Variants in ATP8A1 observed in about 807,000 individuals in gnomAD.
The protein encoded by ATP8A1 is phospholipid-transporting ATPase IA.
Under a neutral mutation model 177.7 loss-of-function variants are expected in ATP8A1, and 90 were observed. The observed-to-expected ratio is 0.51, with a 90% CI of 0.43 to 0.60. ATP8A1 has a LOEUF of 0.60. Ranked by LOEUF, ATP8A1 falls within the 20% of genes least tolerant of loss-of-function variation. The pLI, the probability that ATP8A1 is intolerant of heterozygous loss-of-function variation, is 0.00. For missense variants in ATP8A1, 1,072 were observed against 1,392.8 expected (o/e 0.77, Z 3.67); for synonymous variants, 493 against 485.9 (o/e 1.01, Z -0.19).
intron 29 of ATP8A1, 109 bp downstream of exon 29, chr4:42,455,188 T>A: frequency 7.4e-7 from 1 of 1,349,562 alleles, no homozygotes; most frequent in Non-Finnish European, 1.0e-6. Context: ...TACCCTGGAG[T>A]TGTCTCAGGC....
At chr4:42,620,444 T>G (rs1444679024) in intron 4 of ATP8A1, among the ~76,000 whole-genome samples, 5 of 152,180 alleles carry the variant, frequency 3.3e-5, no homozygotes, top group African/African-American at 1.2e-4. Context: ...AAAAGAGTTC[T>G]GTTAAAAAAA....
intron 16 of ATP8A1, among the ~76,000 whole-genome samples, chr4:42,553,721 C>G (rs1020379701): frequency 1.3e-5 from 2 of 152,144 alleles, no homozygotes; most frequent in South Asian, 2.1e-4. Flanking sequence ...CAGACATGGT[C>G]CCTGCCATGT....
intron 1 of ATP8A1, among the ~76,000 whole-genome samples, chr4:42,641,939 GCTT>G (rs1740033751): frequency 1.3e-5 from 2 of 151,820 alleles, no homozygotes; most frequent in African/African-American, 4.8e-5. Flanking sequence ...ACTGGCACCT[GCTT>G]CTTATCTCCA....
intron 4 of ATP8A1, among the ~76,000 whole-genome samples, chr4:42,616,914 T>G (rs1378955145): frequency 2.0e-5 from 3 of 152,174 alleles, no homozygotes. Flanking sequence ...CATCTAAATT[T>G]ACAGCATCGA....
intron 1 of ATP8A1, among the ~76,000 whole-genome samples, chr4:42,644,353 T>C (rs1012755094): frequency 6.6e-6 from 1 of 152,234 alleles, no homozygotes; most frequent in Non-Finnish European, 1.5e-5. Context: ...ACTCATGTAA[T>C]GATTCTCTTA....
At chr4:42,582,497 C>A in intron 9 of ATP8A1, among the ~76,000 whole-genome samples, 1 of 130,826 alleles carries the variant, frequency 7.6e-6, no homozygotes, top group Non-Finnish European at 1.6e-5. Context: ...CACACCCACC[C>A]CCCACACACT....
intron 25 of ATP8A1, among the ~76,000 whole-genome samples, chr4:42,484,486 AGTAT>A (rs1188118457): frequency 6.6e-6 from 1 of 152,212 alleles, no homozygotes; most frequent in Non-Finnish European, 1.5e-5. Context: ...TATTTCAGAA[AGTAT>A]GTCTCAACTG....
At chr4:42,461,274 A>G (rs1389482288) in intron 27 of ATP8A1, among the ~76,000 whole-genome samples, 1 of 132,636 alleles carries the variant, frequency 7.5e-6, no homozygotes, top group African/African-American at 2.7e-5. Flanking sequence ...CTTTTTGCTA[A>G]TGTGGCTTGC....
At chr4:42,617,336 A>G (rs1047554337) in intron 4 of ATP8A1, among the ~76,000 whole-genome samples, 1 of 152,230 alleles carries the variant, frequency 6.6e-6, no homozygotes, top group Admixed American at 6.5e-5. Flanking sequence ...ACAGACATGC[A>G]GGAACACAAT....
intron 22 of ATP8A1, 125 bp downstream of exon 22, chr4:42,522,035 G>A (rs1560418013): frequency 9.5e-7 from 1 of 1,047,634 alleles, no homozygotes; most frequent in Non-Finnish European, 1.3e-6. Context: ...TAGATGATGA[G>A]AGGGTATTCA....
chr4:42,497,706 C>T (rs1394213077), intron 24 of ATP8A1, among the ~76,000 whole-genome samples: 1 of 152,180 alleles, frequency 6.6e-6, no homozygotes, highest in Non-Finnish European at 1.5e-5. Flanking sequence ...GGAACTTTTT[C>T]AACCACGTAC....
intron 15 of ATP8A1, 70 bp from the exon 16 acceptor site, chr4:42,556,110 C>A: frequency 9.0e-7 from 1 of 1,109,498 alleles, no homozygotes; most frequent in South Asian, 1.5e-5. Flanking sequence ...TGTTAATGTA[C>A]TTTATGAGTA....
At chr4:42,602,125 A>G (rs28439623) in intron 5 of ATP8A1, among the ~76,000 whole-genome samples, 1,805 of 152,302 alleles carry the variant, frequency 0.012, 47 homozygotes, top group African/African-American at 0.04. Flanking sequence ...AAAAATAATC[A>G]TTCCAAGCTA....
At chr4:42,594,299 G>C in intron 6 of ATP8A1, 6 of 1,596,936 alleles carry the variant, frequency 3.8e-6, no homozygotes, top group Non-Finnish European at 5.1e-6. Context: ...CTTGATGAGA[G>C]AAGTACAGTG....
intron 19 of ATP8A1, among the ~76,000 whole-genome samples, chr4:42,544,746 T>A (rs1380004976): frequency 2.0e-5 from 3 of 152,198 alleles, no homozygotes; most frequent in Non-Finnish European, 2.9e-5. Flanking sequence ...AGAGGACTAC[T>A]CAAATGTCTG....
intron 33 of ATP8A1, among the ~76,000 whole-genome samples, chr4:42,441,087 G>T (rs913218041): frequency 4.6e-5 from 7 of 152,070 alleles, no homozygotes; most frequent in African/African-American, 1.7e-4. Context: ...TCAAGTTCTC[G>T]GGGCTGCTCT....
intron 5 of ATP8A1, among the ~76,000 whole-genome samples, chr4:42,603,073 A>C (rs925070703): frequency 6.6e-5 from 10 of 152,120 alleles, no homozygotes; most frequent in Non-Finnish European, 1.2e-4. Flanking sequence ...TTAAAAAAAA[A>C]CTATAAGTGT....
At chr4:42,514,705 G>A (rs188489371) in intron 22 of ATP8A1, among the ~76,000 whole-genome samples, 3 of 152,212 alleles carry the variant, frequency 2.0e-5, no homozygotes, top group East Asian at 1.9e-4. Flanking sequence ...AGTTGGCAAC[G>A]TAACTTACAG....
chr4:42,556,577 T>C (rs570681331), intron 15 of ATP8A1, among the ~76,000 whole-genome samples: 1 of 152,138 alleles, frequency 6.6e-6, no homozygotes, highest in South Asian at 2.1e-4. Flanking sequence ...ATTACATTTG[T>C]TCTGTAAATA....
Sources: gnomAD v4.1 joint callset for allele counts (sites outside exome capture counted in the v4.1 genomes callset) on GRCh38, gnomAD v4.1.1 for gene constraint, MANE v1.5 for transcripts, NCBI Gene and HGNC (gene_info 2026-07-23, HGNC 2026-07-21) for gene names.